STOX2: variants seen among roughly 807,000 people sequenced by gnomAD.
STOX2 encodes the protein storkhead box 2, also known as storkhead-box protein 2.
A neutral mutation model predicts 60.9 loss-of-function variants in STOX2; 28 were observed. The ratio of observed to expected loss-of-function variants is 0.46; its 90% confidence interval spans 0.34 to 0.63. The LOEUF is 0.63. Among genes scored for constraint, STOX2 ranks in the 30% least tolerant of loss-of-function variants. The pLI, the probability that STOX2 is intolerant of heterozygous loss-of-function variation, is 0.01. For synonymous variants in STOX2, 472 were observed against 463.9 expected (o/e 1.02, Z -0.22); for missense variants, 1,024 against 1,187.7 (o/e 0.86, Z 2.03).
At chr4:183,907,140 A>G (rs906508037) in intron 1 of STOX2, among the ~76,000 whole-genome samples, 184 bp downstream of exon 1, 1 of 152,084 alleles carries the variant, frequency 6.6e-6, no homozygotes, top group African/African-American at 2.4e-5. Flanking sequence ...AGGCCCTCTC[A>G]ATATGGGGTT....
chr4:183,852,253 GGATGAGGGAAAGGATGAGAGAAAC>G (rs1740163871), intron 1 of STOX2, among the ~76,000 whole-genome samples: 32 of 137,100 alleles, frequency 2.3e-4, no homozygotes, highest in Non-Finnish European at 3.3e-4. Context: ...ATGAGGGAAA[GGATGAGGGAAAGGATGAGAGAAAC>G]GATGAGGGAA....
chr4:183,934,755 A>G (rs1284382351), intron 1 of STOX2, among the ~76,000 whole-genome samples: 1 of 152,240 alleles, frequency 6.6e-6, no homozygotes, highest in Non-Finnish European at 1.5e-5. Flanking sequence ...ATTTCAAAGA[A>G]TCAATATGCA....
At chr4:183,987,421 G>A (rs1049097756) in intron 1 of STOX2, among the ~76,000 whole-genome samples, 2 of 152,128 alleles carry the variant, frequency 1.3e-5, no homozygotes, top group Non-Finnish European at 2.9e-5. Context: ...CACAATGAGC[G>A]TGGCACCCGT....
intron 1 of STOX2, among the ~76,000 whole-genome samples, chr4:183,927,807 C>G (rs551352161): frequency 6.6e-6 from 1 of 152,144 alleles, no homozygotes; most frequent in African/African-American, 2.4e-5. Flanking sequence ...TATGAGGAGC[C>G]ATTGTCAGTC....
chr4:183,929,156 A>G (rs913490403), intron 1 of STOX2, among the ~76,000 whole-genome samples: 15 of 152,250 alleles, frequency 9.9e-5, no homozygotes, highest in Non-Finnish European at 2.2e-4. Flanking sequence ...GTCATGATCA[A>G]AAACATGGAG....
chr4:183,919,379 G>T (rs1742026190), intron 1 of STOX2, among the ~76,000 whole-genome samples: 1 of 152,160 alleles, frequency 6.6e-6, no homozygotes, highest in African/African-American at 2.4e-5. Context: ...GCTGGGACTG[G>T]CCGTGGGCCA....
chr4:183,828,289 A>G (rs538688279), intron 1 of STOX2, among the ~76,000 whole-genome samples: 3 of 152,302 alleles, frequency 2.0e-5, no homozygotes, highest in East Asian at 1.9e-4. Flanking sequence ...CTCTGAAGTC[A>G]TAAGTTTGGG....
At chr4:183,851,066 G>C (rs1740115008) in intron 1 of STOX2, among the ~76,000 whole-genome samples, 1 of 135,504 alleles carries the variant, frequency 7.4e-6, no homozygotes, top group Non-Finnish European at 1.6e-5. Flanking sequence ...GAGAAAGGAT[G>C]AGGGAAAGGA....
intron 1 of STOX2, among the ~76,000 whole-genome samples, chr4:183,849,903 G>A (rs1183580767): frequency 1.3e-5 from 2 of 151,938 alleles, no homozygotes; most frequent in Non-Finnish European, 2.9e-5. Context: ...CTTTCCTAAT[G>A]TTTTTCAGAT....
In STOX2 at chr4:184,011,265, G is replaced by A. The variant is rs1433398099; in HGVS notation, c.2427G>A (p.Glu809=). 6.2e-7 allele frequency: 1 copy of A among 1,613,838 alleles called. No homozygotes were observed. The highest frequency in any genetic ancestry group is 1.1e-5 in the South Asian group (1 of 91,040). ...VGTMQWLLER[E]KERDLQRKFE... The stretch of plus-strand genomic sequence containing the variant: ...CCATGCAGTGGCTCCTCGAGCGGGA[G>A]AAGGAAAGAGACTTGCAGAGGAAAT... The change falls in exon 3 of 4, where the codon GAG becomes GAA. Residue 809 remains glutamate, a synonymous_variant. Coordinates refer to ENST00000308497, the MANE Select transcript of STOX2 (RefSeq NM_020225.3). The surrounding 1 kb of genome is among the most constrained non-coding windows in gnomAD (Gnocchi z 4.4).
intron 1 of STOX2, among the ~76,000 whole-genome samples, chr4:183,817,333 C>T (rs1440928820): frequency 2.0e-5 from 3 of 152,196 alleles, no homozygotes; most frequent in Admixed American, 6.5e-5. Context: ...CACCCGGAGG[C>T]GTGCCTTGCT....
intron 1 of STOX2, among the ~76,000 whole-genome samples, chr4:183,992,997 C>T (rs1733176083): frequency 6.6e-6 from 1 of 152,212 alleles, no homozygotes. Context: ...ACCTTTTCTG[C>T]TATGCATCTA....
rs761616495 is a variant in STOX2 at position 183,851,207 on chromosome 4, T to TGAG, written c.364+53153_364+53154insAGG. Among the ~76,000 whole-genome samples, 337 of 39,972 alleles carry TGAG rather than the reference T, an allele frequency of 8.4e-3. 36 individuals carry two copies. The highest frequency in any genetic ancestry group is 0.034 in the African/African-American group (324 of 9,416). The allele number at this position is 39,972 out of a possible 152,430, so 26.2% of individuals were successfully genotyped here. A position where few individuals can be genotyped will look rare whatever the true frequency, so the allele number is the denominator to read the frequency against. On this transcript the variant is annotated intron_variant, in intron 1 of 2. Coordinates refer to the STOX2 transcript ENST00000513034. ...ATGAGAAAAAGAATGAGAGAAACGA[T>TGAG]GGAAAGGATGAGAGAAACGATGAGG... is the stretch of plus-strand genomic sequence containing the variant.
rs368430743 is a variant in STOX2 at position 183,852,488 on chromosome 4, G to A, written c.364+54433G>A. ...GGGAAAGGATGAGAGAAAGGATGAGGGAAAGGATGAGGGAAAGGATGAGGG... is the reference window on the plus strand; with the variant it reads ...GGGAAAGGATGAGAGAAAGGATGAGAGAAAGGATGAGGGAAAGGATGAGGG... On this transcript the variant is annotated intron_variant, in intron 1 of 2. Coordinates refer to the STOX2 transcript ENST00000513034. Among the ~76,000 whole-genome samples, 180 of 49,650 alleles carry A rather than the reference G, an allele frequency of 3.6e-3. 2 individuals carry two copies. The highest frequency in any genetic ancestry group is 4.8e-3 in the Non-Finnish European group (109 of 22,858). 32.6% of individuals were successfully genotyped at this position (49,650 alleles called of 152,430 possible). A position where few individuals can be genotyped will look rare whatever the true frequency, so the allele number is the denominator to read the frequency against.
chr4:183,959,007 G>C (rs1455265770), intron 1 of STOX2, among the ~76,000 whole-genome samples: 1 of 151,910 alleles, frequency 6.6e-6, no homozygotes, highest in African/African-American at 2.4e-5. Context: ...GATTATTTCA[G>C]ACTGAAAAAA....
intron 1 of STOX2, among the ~76,000 whole-genome samples, chr4:183,970,181 T>TGG (rs61235252): frequency 5.9e-4 from 81 of 136,484 alleles, no homozygotes; most frequent in South Asian, 2.2e-3. Flanking sequence ...TGTGTGTGTG[T>TGG]GGGGTTCCAG....
At position 184,009,718 on chromosome 4, in the gene STOX2, G is replaced by T; in HGVS notation, c.880G>T (p.Glu294Ter). 1 of 1,613,858 alleles carries T rather than the reference G, an allele frequency of 6.2e-7. No individual in the cohort carries two copies. Among genetic ancestry groups the T allele is most frequent in the Non-Finnish European group, 8.5e-7 (1 of 1,179,852 alleles). The stretch of plus-strand genomic sequence containing the variant: ...TTTTTCTGCCCAGTTTCCTCCTGAA[G>T]AGTGGCCCCTGCGAGACGAGGACAC... Reference protein sequence around the residue: ...ANFSAQFPPEEWPLRDEDTPA... With the variant: ...ANFSAQFPPE Residue 294 changes from glutamate (E) to a stop codon, truncating the protein, a stop_gained, in exon 3 of 4, where the codon GAG becomes TAG. Coordinates refer to ENST00000308497, the MANE Select transcript of STOX2 (RefSeq NM_020225.3). LOFTEE classifies it high-confidence loss of function. The surrounding 1 kb of genome is among the most constrained non-coding windows in gnomAD (Gnocchi z 4.0).
intron 1 of STOX2, among the ~76,000 whole-genome samples, chr4:183,882,434 G>A (rs1466059127): frequency 2.6e-5 from 4 of 152,170 alleles, no homozygotes; most frequent in African/African-American, 4.8e-5. Flanking sequence ...GGTTAATCCC[G>A]GGATATTGCA....
At chr4:183,924,911 T>C (rs537876905) in intron 1 of STOX2, among the ~76,000 whole-genome samples, 1 of 152,062 alleles carries the variant, frequency 6.6e-6, no homozygotes, top group Admixed American at 6.5e-5. Context: ...CCTTAGAGAG[T>C]CTTAGGGAGG....
Sources: gnomAD v4.1 joint callset for allele counts (sites outside exome capture counted in the v4.1 genomes callset) on GRCh38, gnomAD v4.1.1 for gene constraint, Gnocchi (gnomAD v3.1) non-coding constraint, MANE v1.5 for transcripts, NCBI Gene and HGNC (gene_info 2026-07-23, HGNC 2026-07-21) for gene names.